LRP5: variants seen among roughly 807,000 people sequenced by gnomAD.
The protein encoded by LRP5 is LDL receptor related protein 5.
Under a neutral mutation model 154.1 loss-of-function variants are expected in LRP5, and 62 were observed. The observed-to-expected ratio is 0.40, with a 90% CI of 0.33 to 0.50. The LOEUF is 0.50. Among genes scored for constraint, LRP5 ranks in the 20% least tolerant of loss-of-function variants. The pLI, the probability that LRP5 is intolerant of heterozygous loss-of-function variation, is 0.55. For synonymous variants in LRP5, 966 were observed against 1,011.5 expected (o/e 0.96, Z 0.85); for missense variants, 1,915 against 2,336.7 (o/e 0.82, Z 3.72).
chr11:68,298,679 G>T, the LRP5 span, among the ~76,000 whole-genome samples: 7 of 152,254 alleles, frequency 4.6e-5, no homozygotes, highest in African/African-American at 1.7e-4. Flanking sequence ...ACCCACTCCT[G>T]CTAGAGCCTA....
intron 1 of LRP5, among the ~76,000 whole-genome samples, chr11:68,332,870 C>T (rs994667281): frequency 6.6e-6 from 1 of 152,108 alleles, no homozygotes; most frequent in Non-Finnish European, 1.5e-5. Flanking sequence ...GGGAGTAGAG[C>T]TATTCCTGGG....
chr11:68,368,159 T>C (rs1289710882), intron 5 of LRP5, among the ~76,000 whole-genome samples: 1 of 151,292 alleles, frequency 6.6e-6, no homozygotes, highest in Non-Finnish European at 1.5e-5. Context: ...CCAGAAAATA[T>C]CTGAGAAGAA....
chr11:68,365,691 C>T lies in LRP5; in HGVS notation c.1004C>T (p.Thr335Met), dbSNP rs751485385. The T allele has an allele frequency of 1.5e-5, 19 of 1,299,066 alleles. No individual in the cohort carries two copies. The highest frequency in any genetic ancestry group is 1.9e-5 in the African/African-American group (1 of 52,954). 80.5% of individuals were successfully genotyped at this position (1,299,066 alleles called of 1,614,324 possible). ...GTGCAGCTGCAGGACAACGGCAGGA[C>T]GTGTAAGGCAGGTGAGGCGGTGGGA... ...TGVQLQDNGR[T>M]CKAGAEEVLL... Residue 335 changes from threonine (T) to methionine (M), a missense_variant, in exon 5 of 23, where the codon ACG becomes ATG. Coordinates refer to ENST00000294304, the MANE Select transcript of LRP5 (RefSeq NM_002335.4).
intron 22 of LRP5, chr11:68,446,831 C>T (rs548898397): frequency 2.1e-5 from 9 of 418,914 alleles, no homozygotes; most frequent in African/African-American, 1.0e-4. Context: ...GTCGAGGGGC[C>T]GGGGGCTTGG....
upstream of LRP5, among the ~76,000 whole-genome samples, chr11:68,312,075 GTC>G (rs2098588288): frequency 6.6e-6 from 1 of 152,240 alleles, no homozygotes; most frequent in Admixed American, 6.5e-5. Flanking sequence ...CAGTCTTCGT[GTC>G]TCATAATTCA....
chr11:68,440,546 G>A (rs1025669928), intron 21 of LRP5, among the ~76,000 whole-genome samples: 2 of 152,180 alleles, frequency 1.3e-5, no homozygotes, highest in Non-Finnish European at 2.9e-5. Context: ...ATGCCAAGGC[G>A]AGCTTGGTGC....
At chr11:68,311,100 T>C (rs2098587515), upstream of LRP5, among the ~76,000 whole-genome samples, 1 of 152,134 alleles carries the variant, frequency 6.6e-6, no homozygotes, top group African/African-American at 2.4e-5. Flanking sequence ...TAAGAAGAGC[T>C]GGGAGTCTGG....
intron 5 of LRP5, among the ~76,000 whole-genome samples, chr11:68,367,289 T>C (rs945477798): frequency 1.3e-5 from 2 of 152,102 alleles, no homozygotes; most frequent in Admixed American, 6.5e-5. Context: ...GATGAGCCCT[T>C]TGTTTACAGA....
chr11:68,411,696 A>C, intron 11 of LRP5, 76 bp downstream of exon 11: 1 of 1,478,470 alleles, frequency 6.8e-7, no homozygotes, highest in Non-Finnish European at 9.1e-7. Context: ...GCCTCGCCGC[A>C]CATACCCTGT....
At chr11:68,359,562 GT>G (rs1406458910) in intron 3 of LRP5, among the ~76,000 whole-genome samples, 2 of 152,192 alleles carry the variant, frequency 1.3e-5, no homozygotes, top group Admixed American at 1.3e-4. Flanking sequence ...GCTAATGGTG[GT>G]GGCGGTGGCG....
At chr11:68,439,723 G>A in intron 20 of LRP5, 54 bp from the exon 21 acceptor site, 1 of 1,582,638 alleles carries the variant, frequency 6.3e-7, no homozygotes, top group Non-Finnish European at 8.6e-7. Flanking sequence ...TGTCTGTGGG[G>A]CGGCTTGGCT....
chr11:68,351,057 CGA>C (rs1471026847), intron 2 of LRP5, among the ~76,000 whole-genome samples: 1 of 152,140 alleles, frequency 6.6e-6, no homozygotes. Flanking sequence ...AGTATGTGCG[CGA>C]GAGTGTCTGC....
intron 6 of LRP5, among the ~76,000 whole-genome samples, chr11:68,388,028 T>TCAGGCAGCAGGCAGCGGGAGTGCAG (rs1200849942): frequency 1.3e-5 from 2 of 152,156 alleles, no homozygotes; most frequent in Admixed American, 1.3e-4. Flanking sequence ...AGCCAGCATG[T>TCAGGCAGCAGGCAGCGGGAGTGCAG]CAGGCAGCAG....
chr11:68,314,040 G>T (rs923414982), intron 1 of LRP5, among the ~76,000 whole-genome samples: 1 of 152,186 alleles, frequency 6.6e-6, no homozygotes, highest in African/African-American at 2.4e-5. Context: ...TTTCAGGAGC[G>T]TGTTTACATT....
intron 10 of LRP5, among the ~76,000 whole-genome samples, chr11:68,410,596 A>C (rs1314017895): frequency 6.6e-6 from 1 of 152,044 alleles, no homozygotes; most frequent in Non-Finnish European, 1.5e-5. Context: ...AGGTCCCCGG[A>C]CCTCAGGCTC....
chr11:68,420,827 C>T (rs1388859877), intron 13 of LRP5, among the ~76,000 whole-genome samples: 3 of 152,128 alleles, frequency 2.0e-5, no homozygotes, highest in Admixed American at 6.6e-5. Context: ...CATTTCCTTC[C>T]GTGGTGAAGG....
intron 7 of LRP5, among the ~76,000 whole-genome samples, chr11:68,395,614 GT>G (rs773171588): frequency 7.9e-5 from 12 of 152,156 alleles, no homozygotes; most frequent in Admixed American, 1.3e-4. Flanking sequence ...TTGCATAAGC[GT>G]TTTCAGACTA....
At chr11:68,331,539 C>A (rs2098602745) in intron 1 of LRP5, among the ~76,000 whole-genome samples, 1 of 152,260 alleles carries the variant, frequency 6.6e-6, no homozygotes, top group Non-Finnish European at 1.5e-5. Flanking sequence ...CCGGAGGCGC[C>A]TGTCCTGTTC....
At chr11:68,318,897 T>C (rs1157327293) in intron 1 of LRP5, among the ~76,000 whole-genome samples, 1 of 152,094 alleles carries the variant, frequency 6.6e-6, no homozygotes, top group Non-Finnish European at 1.5e-5. Context: ...CTCAGTTTCC[T>C]TTTTTTGTAA....
Sources: gnomAD v4.1 joint callset for allele counts (sites outside exome capture counted in the v4.1 genomes callset) on GRCh38, gnomAD v4.1.1 for gene constraint, MANE v1.5 for transcripts, NCBI Gene and HGNC (gene_info 2026-07-23, HGNC 2026-07-21) for gene names.